IGBP1C: variants seen among roughly 807,000 people sequenced by gnomAD.
IGBP1C encodes IGBP1 family member C.
the IGBP1C span, among the ~76,000 whole-genome samples, chr17:58,686,512 G>C: frequency 1.3e-5 from 2 of 152,080 alleles, no homozygotes; most frequent in African/African-American, 4.8e-5. Context: ...AGAGGGTCAG[G>C]GCTAGAAATA....
chr17:58,684,386 C>G, the IGBP1C span, among the ~76,000 whole-genome samples: 1 of 151,368 alleles, frequency 6.6e-6, no homozygotes, highest in Non-Finnish European at 1.5e-5. Flanking sequence ...CGCTTGAACA[C>G]GGGAGGCGGA....
the IGBP1C span, among the ~76,000 whole-genome samples, chr17:58,676,804 A>G: frequency 2.6e-5 from 4 of 151,606 alleles, no homozygotes; most frequent in African/African-American, 9.7e-5. Context: ...TGGGCAACAT[A>G]GCGAGACCCT....
chr17:58,690,515 C>A, the IGBP1C span, among the ~76,000 whole-genome samples: 2 of 152,160 alleles, frequency 1.3e-5, no homozygotes, highest in African/African-American at 4.8e-5. Flanking sequence ...CTAAACACGA[C>A]TGATTCCACT....
chr17:58,674,301 T>C, the IGBP1C span, among the ~76,000 whole-genome samples: 1 of 149,950 alleles, frequency 6.7e-6, no homozygotes, highest in African/African-American at 2.5e-5. Context: ...AACCCTTGAT[T>C]TGACAGAATT....
At chr17:58,666,972 G>C in the IGBP1C span, among the ~76,000 whole-genome samples, 3 of 152,214 alleles carry the variant, frequency 2.0e-5, no homozygotes, top group Admixed American at 1.3e-4. Flanking sequence ...TTCTCATCTC[G>C]GCCCGCTTCC....
At chr17:58,680,743 C>A in the IGBP1C span, among the ~76,000 whole-genome samples, 2 of 151,940 alleles carry the variant, frequency 1.3e-5, no homozygotes, top group Non-Finnish European at 2.9e-5. Flanking sequence ...CTCAAAAAAA[C>A]CCCACAAAAA....
the IGBP1C span, among the ~76,000 whole-genome samples, chr17:58,664,523 C>T: frequency 6.6e-6 from 1 of 152,186 alleles, no homozygotes; most frequent in South Asian, 2.1e-4. Context: ...GTTCAAGGTC[C>T]AGTCCGCTGG....
chr17:58,672,189 G>C, the IGBP1C span, among the ~76,000 whole-genome samples: 1 of 152,114 alleles, frequency 6.6e-6, no homozygotes, highest in African/African-American at 2.4e-5. Context: ...AGGAGGAGGT[G>C]CTCAGGCAGT....
the IGBP1C span, among the ~76,000 whole-genome samples, chr17:58,667,565 T>C: frequency 6.6e-6 from 1 of 152,160 alleles, no homozygotes; most frequent in Non-Finnish European, 1.5e-5. Flanking sequence ...CCCCATTTCA[T>C]GGATAAAGAA....
At chr17:58,681,575 C>G in the IGBP1C span, among the ~76,000 whole-genome samples, 3 of 151,496 alleles carry the variant, frequency 2.0e-5, no homozygotes, top group African/African-American at 7.3e-5. Flanking sequence ...GAGGGCTGGT[C>G]GCAGTGGCTC....
the IGBP1C span, among the ~76,000 whole-genome samples, chr17:58,679,032 T>C: frequency 2.0e-5 from 3 of 152,052 alleles, no homozygotes; most frequent in South Asian, 6.2e-4. Context: ...CGTGTGCCTG[T>C]AATCCCAGCT....
At chr17:58,683,368 A>AT in the IGBP1C span, among the ~76,000 whole-genome samples, 48 of 149,984 alleles carry the variant, frequency 3.2e-4, no homozygotes, top group African/African-American at 1.0e-3. Flanking sequence ...GCAAGACTCC[A>AT]TCCCCCCCCC....
At chr17:58,665,726 TCTTAAGAA>T in the IGBP1C span, among the ~76,000 whole-genome samples, 2 of 151,582 alleles carry the variant, frequency 1.3e-5, no homozygotes, top group Non-Finnish European at 2.9e-5. Context: ...CCCAAAGCAT[TCTTAAGAA>T]CCAAAAGAAA....
chr17:58,685,943 C>T, the IGBP1C span, among the ~76,000 whole-genome samples: 1 of 136,344 alleles, frequency 7.3e-6, no homozygotes, highest in Non-Finnish European at 1.5e-5. Context: ...TGCAGTGAGC[C>T]GAGATCACAC....
At chr17:58,664,090 TACAATTGCTGATTTAGG>T in the IGBP1C span, among the ~76,000 whole-genome samples, 1 of 152,228 alleles carries the variant, frequency 6.6e-6, no homozygotes, top group Non-Finnish European at 1.5e-5. Flanking sequence ...CACTATTTAG[TACAATTGCTGATTTAGG>T]ACAATTGCTG....
the IGBP1C span, chr17:58,661,610 C>A: frequency 1.4e-6 from 1 of 705,894 alleles, no homozygotes; most frequent in Non-Finnish European, 2.6e-6. Flanking sequence ...CTTGGGAAGG[C>A]TGATGCGAAA....
the IGBP1C span, among the ~76,000 whole-genome samples, chr17:58,688,670 A>G: frequency 6.6e-6 from 1 of 152,172 alleles, no homozygotes; most frequent in Non-Finnish European, 1.5e-5. Context: ...AAGGTCACAT[A>G]GTTGGTAACT....
chr17:58,673,109 C>T, the IGBP1C span, among the ~76,000 whole-genome samples: 1 of 151,876 alleles, frequency 6.6e-6, no homozygotes, highest in Non-Finnish European at 1.5e-5. Context: ...GGAGCCACTC[C>T]CAAAGGGAAA....
chr17:58,665,223 C>A, the IGBP1C span, among the ~76,000 whole-genome samples: 1 of 152,036 alleles, frequency 6.6e-6, no homozygotes, highest in Non-Finnish European at 1.5e-5. Flanking sequence ...AGCTCCTGGT[C>A]TCAAGCCATC....
Sources: allele counts gnomAD v4.1 joint callset (sites outside exome capture counted in the v4.1 genomes callset), GRCh38; gene constraint gnomAD v4.1.1; transcripts MANE v1.5; gene names NCBI Gene and HGNC (gene_info 2026-07-23, HGNC 2026-07-21).